POC1A: variants seen among roughly 807,000 people sequenced by gnomAD.
POC1A encodes POC1 centriolar protein A.
Under a neutral mutation model 47.8 loss-of-function variants are expected in POC1A, and 34 were observed. That is an observed-to-expected ratio of 0.71 (90% CI 0.54 to 0.95). The LOEUF (loss-of-function observed/expected upper bound fraction) is 0.95, where lower values mean the gene tolerates loss of function less well. Among genes scored for constraint, POC1A ranks in the 40% least tolerant of loss-of-function variants. The pLI is 0.00. For synonymous variants in POC1A, 177 were observed against 207.6 expected (o/e 0.85, Z 1.27); for missense variants, 466 against 528.3 (o/e 0.88, Z 1.16).
chr3:52,110,495 A>ATTCTGAGC (rs1203333910), intron 9 of POC1A, among the ~76,000 whole-genome samples: 1 of 152,268 alleles, frequency 6.6e-6, no homozygotes, highest in Admixed American at 6.5e-5. Context: ...GCTTAAAAAA[A>ATTCTGAGC]TAGAATGAAA....
intron 6 of POC1A, among the ~76,000 whole-genome samples, chr3:52,144,696 T>G (rs1329614799): frequency 6.6e-6 from 1 of 152,196 alleles, no homozygotes; most frequent in African/African-American, 2.4e-5. Context: ...TCAAATGACC[T>G]GCCCAATATC....
intron 9 of POC1A, among the ~76,000 whole-genome samples, chr3:52,098,270 G>A (rs947831229): frequency 6.6e-6 from 1 of 152,186 alleles, no homozygotes; most frequent in Non-Finnish European, 1.5e-5. Context: ...GGTGTGAGCA[G>A]GGAACTCTTC....
At chr3:52,134,901 A>T (rs1029003643) in intron 7 of POC1A, among the ~76,000 whole-genome samples, 1 of 152,018 alleles carries the variant, frequency 6.6e-6, no homozygotes, top group African/African-American at 2.4e-5. Context: ...CAGGCTGCTC[A>T]GCCACACAAT....
At chr3:52,109,954 C>T (rs1281320781) in intron 9 of POC1A, among the ~76,000 whole-genome samples, 1 of 152,156 alleles carries the variant, frequency 6.6e-6, no homozygotes. Flanking sequence ...CATGCAGACT[C>T]TACCACCCTC....
chr3:52,106,265 C>A (rs1260475922), intron 9 of POC1A, among the ~76,000 whole-genome samples: 3 of 150,984 alleles, frequency 2.0e-5, no homozygotes, highest in Non-Finnish European at 4.4e-5. Flanking sequence ...AAAACCAAAT[C>A]AAATGCTCCA....
At chr3:52,111,815 C>A (rs1374781528) in intron 9 of POC1A, among the ~76,000 whole-genome samples, 1 of 152,130 alleles carries the variant, frequency 6.6e-6, no homozygotes, top group Non-Finnish European at 1.5e-5. Flanking sequence ...GGGAGCTGGC[C>A]TAGGCATCCA....
chr3:52,135,082 T>G (rs979188719), intron 7 of POC1A, among the ~76,000 whole-genome samples: 4 of 152,230 alleles, frequency 2.6e-5, no homozygotes, highest in Non-Finnish European at 5.9e-5. Context: ...CTATACCTGC[T>G]GCAGAGTGCC....
intron 10 of POC1A, among the ~76,000 whole-genome samples, chr3:52,086,299 C>T (rs1702454875): frequency 6.6e-6 from 1 of 152,196 alleles, no homozygotes; most frequent in Non-Finnish European, 1.5e-5. Flanking sequence ...TGACTCAACA[C>T]CCCTGGTCTC....
chr3:52,137,902 G>A lies in POC1A; in HGVS notation c.813+267C>T, dbSNP rs115815304. 6.9e-3 allele frequency among the ~76,000 whole-genome samples: 1,050 copies of A among 152,280 alleles called. 16 individuals are homozygous for A. The highest frequency in any genetic ancestry group is 0.024 in the African/African-American group (1,000 of 41,538). On this transcript the variant is annotated intron_variant, in intron 7 of 10. Transcript: ENST00000296484. ...CCAAGGGATGGCTGAGGCCATTAGG[G>A]GACAGATTCCATTCAGGCCCCTAAG...
chr3:52,083,896 A>G (rs755635661), intron 10 of POC1A, among the ~76,000 whole-genome samples: 1 of 152,254 alleles, frequency 6.6e-6, no homozygotes, highest in African/African-American at 2.4e-5. Flanking sequence ...AAGGCCCTGA[A>G]GCACACTCTT....
At chr3:52,143,616 C>T (rs1698268710) in intron 6 of POC1A, among the ~76,000 whole-genome samples, 2 of 152,132 alleles carry the variant, frequency 1.3e-5, no homozygotes, top group Non-Finnish European at 1.5e-5. Flanking sequence ...GTCCAGCTGG[C>T]CCCTCCACCC....
chr3:52,111,652 TAAAAAAA>T (rs59028696), intron 9 of POC1A, among the ~76,000 whole-genome samples: 6 of 95,180 alleles, frequency 6.3e-5, no homozygotes, highest in Middle Eastern at 6.3e-3. Context: ...GTCTCAAAAT[TAAAAAAA>T]AAAAAAAAAA....
intron 9 of POC1A, among the ~76,000 whole-genome samples, chr3:52,109,491 A>C (rs1221792239): frequency 6.6e-6 from 1 of 151,996 alleles, no homozygotes; most frequent in Non-Finnish European, 1.5e-5. Flanking sequence ...ATTAAAACAA[A>C]CAAACAAAAA....
In POC1A at chr3:52,134,205, G is replaced by A. The variant is rs185308361; in HGVS notation, c.813+3964C>T. On this transcript the variant is annotated intron_variant, in intron 7 of 10. Coordinates refer to ENST00000296484, the MANE Select transcript of POC1A (RefSeq NM_015426.5). ...TGGTTACCAGGGCTGGGATGGGGAA[G>A]GGGAGCCAGGGAATGAAGGGGTTAA... is the stretch of plus-strand genomic sequence containing the variant. 2.6e-5 allele frequency among the ~76,000 whole-genome samples: 4 copies of A among 152,294 alleles called. No individual in the cohort carries two copies. The East Asian group carries it at 5.8e-4, about 22-fold the overall frequency.
Position 52,145,945 on chromosome 3 carries a change from C to T in POC1A, c.580G>A (p.Asp194Asn). Reference sequence around the variant, plus strand: ...ATGCACGTCCCACTGGGGTGGAAGTCCACATAGGTGACAAAGCTGGAAAGA... The same window carrying T: ...ATGCACGTCCCACTGGGGTGGAAGTTCACATAGGTGACAAAGCTGGAAAGA... ...CEHGGFVTYVDFHPSGTCIAA... is the reference protein window; with the variant it reads ...CEHGGFVTYVNFHPSGTCIAA... Residue 194 changes from aspartate to asparagine, a missense_variant, in exon 6 of 11, where the codon GAC becomes AAC. Asp to Asn is a conservative substitution (Grantham distance 23, BLOSUM62 1). Coordinates refer to ENST00000296484, the MANE Select transcript of POC1A (RefSeq NM_015426.5). 1 of 1,612,238 alleles carries T rather than the reference C, an allele frequency of 6.2e-7. No homozygotes were observed. Among genetic ancestry groups the T allele is most frequent in the Non-Finnish European group, 8.5e-7 (1 of 1,178,416 alleles).
At chr3:52,146,062 G>A (rs1420838894) in intron 5 of POC1A, 101 bp from the exon 6 acceptor site, 15 of 688,244 alleles carry the variant, frequency 2.2e-5, no homozygotes, top group South Asian at 6.8e-5. Flanking sequence ...TCCTGCCCAC[G>A]CTGTTCCCTT....
chr3:52,089,942 G>T (rs1044945801), intron 10 of POC1A, among the ~76,000 whole-genome samples: 2 of 129,092 alleles, frequency 1.5e-5, no homozygotes, highest in African/African-American at 6.2e-5. Flanking sequence ...CGTCAAATAG[G>T]AACTTCCAGG....
intron 7 of POC1A, among the ~76,000 whole-genome samples, chr3:52,134,775 T>A (rs1342570988): frequency 4.7e-5 from 7 of 149,976 alleles, no homozygotes; most frequent in African/African-American, 1.7e-4. Context: ...TAATCCAGAC[T>A]GCTCTCATTT....
intron 10 of POC1A, among the ~76,000 whole-genome samples, chr3:52,082,754 G>A (rs1304056492): frequency 6.6e-6 from 1 of 152,134 alleles, no homozygotes; most frequent in East Asian, 1.9e-4. Context: ...CCTAAAAACT[G>A]TAGTGATGCC....
Sources: gnomAD v4.1 joint callset for allele counts (sites outside exome capture counted in the v4.1 genomes callset) on GRCh38, gnomAD v4.1.1 for gene constraint, MANE v1.5 for transcripts, NCBI Gene and HGNC (gene_info 2026-07-23, HGNC 2026-07-21) for gene names.